The following CLDND2 variants were observed in gnomAD, a reference collection of about 807,000 sequenced individuals.
CLDND2 encodes claudin domain containing 2.
CLDND2 carries 18 observed loss-of-function variants against 17.7 expected under a neutral mutation model. That is an observed-to-expected ratio of 1.02 (90% CI 0.70 to 1.51). The LOEUF (loss-of-function observed/expected upper bound fraction) is 1.51, where lower values mean the gene tolerates loss of function less well. Ranked by LOEUF, CLDND2 falls within the 40% of genes most tolerant of loss-of-function variation. CLDND2 has a pLI of 0.00. For synonymous variants in CLDND2, 113 were observed against 93.0 expected (o/e 1.22, Z -1.24); for missense variants, 233 against 219.6 (o/e 1.06, Z -0.39).
chr19:51,367,520 T>A lies in CLDND2; in HGVS notation c.367A>T (p.Asn123Tyr), dbSNP rs1986450972. 1 of 1,611,206 alleles carries A rather than the reference T, an allele frequency of 6.2e-7. No individual in the cohort carries two copies. The highest frequency in any genetic ancestry group is 8.5e-7 in the Non-Finnish European group (1 of 1,178,666). The change falls in exon 3 of 4, where the codon AAC becomes TAC. Residue 123 changes from asparagine to tyrosine, a missense_variant. Physicochemically the swap from Asn to Tyr is moderately radical, Grantham distance 143 (BLOSUM62 -2). Transcript: ENST00000291715. This position sits in a 1 kb window ranked among gnomAD's most constrained non-coding sequence, Gnocchi z 7.4. The part of the protein sequence containing the change: ...GYTVKNAWKN[N>Y]VFFSWSYFSG... Reference sequence around the variant, plus strand: ...AAATAGGACCAAGAGAAGAAGACGTTGTTCTTCCACGCATTCTTCACGGTG... The same window carrying A: ...AAATAGGACCAAGAGAAGAAGACGTAGTTCTTCCACGCATTCTTCACGGTG...
At position 51,367,196 on chromosome 19, in the gene CLDND2, T is replaced by C; in HGVS notation, c.450A>G (p.Ala150=). ...CGTCGGTGCTCTGCATGATCATGTCTGCCAGCAGAAAGCAGAAGCCTGGGG... is the reference window on the plus strand; with the variant it reads ...CGTCGGTGCTCTGCATGATCATGTCCGCCAGCAGAAAGCAGAAGCCTGGGG... ...SILAGFCFLL[A]DMIMQSTDAI... The change falls in exon 4 of 4, where the codon GCA becomes GCG. Residue 150 remains alanine (A), a synonymous_variant. Transcript: ENST00000291715. The surrounding 1 kb of genome is among the most constrained non-coding windows in gnomAD (Gnocchi z 7.4). The C allele has an allele frequency of 6.2e-7, 1 of 1,614,212 alleles. No individual in the cohort carries two copies. The highest frequency in any genetic ancestry group is 8.5e-7 in the Non-Finnish European group (1 of 1,180,034).
chr19:51,367,251 G>T lies in CLDND2; in HGVS notation c.431-36C>A, dbSNP rs1986430020. ...GGGGGTGCGGAGCAGGGAGAGGAAG[G>T]TGGGCCCTGGGGCGGATGGCCGGGA... is the stretch of plus-strand genomic sequence containing the variant. On this transcript the variant is annotated intron_variant, in intron 3 of 3. Coordinates refer to ENST00000291715, the MANE Select transcript of CLDND2 (RefSeq NM_152353.3). This position sits in a 1 kb window ranked among gnomAD's most constrained non-coding sequence, Gnocchi z 7.4. The T allele has an allele frequency of 7.5e-6, 12 of 1,609,956 alleles. No individual in the cohort carries two copies. Among genetic ancestry groups the T allele is most frequent in the Non-Finnish European group, 1.0e-5 (12 of 1,176,608 alleles).
Position 51,367,333 on chromosome 19 carries a change from G to C in CLDND2, c.431-118C>G. 7.3e-7 allele frequency: 1 copy of C among 1,372,842 alleles called. No individual in the cohort carries two copies. Among genetic ancestry groups the C allele is most frequent in the Non-Finnish European group, 1.0e-6 (1 of 979,344 alleles). 85.0% of individuals were successfully genotyped at this position (1,372,842 alleles called of 1,614,324 possible). ...GGGGGTCTCTGCCGGGTCTGCGGGA[G>C]TCGTTAGTGTGTTGGGGAGTCCCCG... On this transcript the variant is annotated intron_variant, in intron 3 of 3. Transcript: ENST00000291715. The surrounding 1 kb of genome is among the most constrained non-coding windows in gnomAD (Gnocchi z 7.4).
At position 51,368,954 on chromosome 19, in the gene CLDND2, G is replaced by A. The variant is rs953045985; in HGVS notation, c.-377C>T. On this transcript the variant is annotated 5_prime_UTR_variant, in exon 1 of 4. Coordinates refer to ENST00000291715, the MANE Select transcript of CLDND2 (RefSeq NM_152353.3). ...CCCCTCCACACAGGCCCACCTAAGT[G>A]ACTCACACCCAGTGCCCTAGGGCTC... 29 of 178,382 alleles carry A rather than the reference G, an allele frequency of 1.6e-4. No homozygotes were observed. Among genetic ancestry groups the A allele is most frequent in the Non-Finnish European group, 3.0e-4 (25 of 84,174 alleles). The allele number at this position is 178,382 out of a possible 1,614,324, so 11.0% of individuals were successfully genotyped here. A position where few individuals can be genotyped will look rare whatever the true frequency, so the allele number is the denominator to read the frequency against.
chr19:51,368,145 T>A, intron 1 of CLDND2, 119 bp from the exon 2 acceptor site: 4 of 1,163,392 alleles, frequency 3.4e-6, no homozygotes, highest in Non-Finnish European at 4.8e-6. Flanking sequence ...GGAGCCGAGC[T>A]CCACCGACCG....
Position 51,367,448 on chromosome 19 carries a change from C to T in CLDND2, c.430+9G>A. 20 of 1,594,170 alleles carry T rather than the reference C, an allele frequency of 1.3e-5. No individual in the cohort carries two copies. The highest frequency in any genetic ancestry group is 1.8e-5 in the Admixed American group (1 of 56,762). ...GTCTCCTCCACCCTCTTCCCGCTGT[C>T]CAGTTTACCCGCGAGAATTGAGAAG... On this transcript the variant is annotated intron_variant, in intron 3 of 3. Transcript: ENST00000291715. This position sits in a 1 kb window ranked among gnomAD's most constrained non-coding sequence, Gnocchi z 7.4.
intron 1 of CLDND2, 129 bp from the exon 2 acceptor site, chr19:51,368,155 G>C (rs1259953114): frequency 1.3e-5 from 14 of 1,078,334 alleles, no homozygotes; most frequent in Non-Finnish European, 1.8e-5. Context: ...TCCACCGACC[G>C]GGAGTCAGGC....
Position 51,367,828 on chromosome 19 carries a change from C to A in CLDND2, c.310+58G>T. On this transcript the variant is annotated intron_variant, in intron 2 of 3. Coordinates refer to ENST00000291715, the MANE Select transcript of CLDND2 (RefSeq NM_152353.3). This position sits in a 1 kb window ranked among gnomAD's most constrained non-coding sequence, Gnocchi z 7.4. ...CAAGCCCCTCCCCTGGCGACCAGGC[C>A]CCTCCATCACCCAGGGCCCGCCCCT... 1 of 1,584,308 alleles carries A rather than the reference C, an allele frequency of 6.3e-7. No individual in the cohort carries two copies. Among genetic ancestry groups the A allele is most frequent in the Non-Finnish European group, 8.5e-7 (1 of 1,170,158 alleles).
rs759951271 is a variant in CLDND2 at position 51,368,042 on chromosome 19, G to A, written c.170-16C>T. The A allele has an allele frequency of 6.3e-7, 1 of 1,594,032 alleles. No homozygotes were observed. Among genetic ancestry groups the A allele is most frequent in the Non-Finnish European group, 8.5e-7 (1 of 1,171,932 alleles). On this transcript the variant is annotated splice_polypyrimidine_tract_variant and intron_variant, in intron 1 of 3. Coordinates refer to ENST00000291715, the MANE Select transcript of CLDND2 (RefSeq NM_152353.3). Reference sequence around the variant, plus strand: ...GCCAGCGTGGCTGGGGAGAGCGGGCGCATCAGCCCCCGCGGGCGCCGCCCC... The same window carrying A: ...GCCAGCGTGGCTGGGGAGAGCGGGCACATCAGCCCCCGCGGGCGCCGCCCC...
Position 51,367,669 on chromosome 19 carries a change from C to T in CLDND2, c.311-93G>A, listed in dbSNP as rs1986464161. On this transcript the variant is annotated intron_variant, in intron 2 of 3. Coordinates refer to ENST00000291715, the MANE Select transcript of CLDND2 (RefSeq NM_152353.3). The surrounding 1 kb of genome is among the most constrained non-coding windows in gnomAD (Gnocchi z 7.4). ...TTCAGACCCGCCCCCTTCTATCAGA[C>T]CACGCCTATCGCCTCTCAGCCCGCC... 8 of 1,515,494 alleles carry T rather than the reference C, an allele frequency of 5.3e-6. No individual in the cohort carries two copies. Among genetic ancestry groups the T allele is most frequent in the Non-Finnish European group, 7.1e-6 (8 of 1,131,062 alleles). 93.9% of individuals were successfully genotyped at this position (1,515,494 alleles called of 1,614,324 possible).
chr19:51,367,188 A>G lies in CLDND2; in HGVS notation c.458T>C (p.Ile153Thr). 1 of 1,614,210 alleles carries G rather than the reference A, an allele frequency of 6.2e-7. No individual in the cohort carries two copies. Among genetic ancestry groups the G allele is most frequent in the Non-Finnish European group, 8.5e-7 (1 of 1,180,030 alleles). Residue 153 changes from isoleucine (I) to threonine (T), a missense_variant, in exon 4 of 4, where the codon ATC (isoleucine) becomes ACC (threonine). By Grantham distance (89) the Ile-to-Thr change is moderately conservative. Transcript: ENST00000291715. This position sits in a 1 kb window ranked among gnomAD's most constrained non-coding sequence, Gnocchi z 7.4. ...ACTGATGGCGTCGGTGCTCTGCATGATCATGTCTGCCAGCAGAAAGCAGAA... is the reference window on the plus strand; with the variant it reads ...ACTGATGGCGTCGGTGCTCTGCATGGTCATGTCTGCCAGCAGAAAGCAGAA... ...AGFCFLLADM[I>T]MQSTDAISGF... is the part of the protein sequence containing the mutation.
chr19:51,367,234 G>T lies in CLDND2; in HGVS notation c.431-19C>A. On this transcript the variant is annotated intron_variant, in intron 3 of 3. Coordinates refer to ENST00000291715, the MANE Select transcript of CLDND2 (RefSeq NM_152353.3). This position sits in a 1 kb window ranked among gnomAD's most constrained non-coding sequence, Gnocchi z 7.4. ...CAGAAGCCTGGGGGGACGGGGGTGC[G>T]GAGCAGGGAGAGGAAGGTGGGCCCT... 6.2e-7 allele frequency: 1 copy of T among 1,613,762 alleles called. No individual in the cohort carries two copies. The highest frequency in any genetic ancestry group is 1.7e-4 in the Middle Eastern group (1 of 5,966).
chr19:51,367,142 TCA>T lies in CLDND2; in HGVS notation c.502_503del (p.Ter168ThrfsTer?). On this transcript the variant is annotated frameshift_variant and stop_lost, in exon 4 of 4. Coordinates refer to ENST00000291715, the MANE Select transcript of CLDND2 (RefSeq NM_152353.3). LOFTEE classifies it high-confidence loss of function. The surrounding 1 kb of genome is among the most constrained non-coding windows in gnomAD (Gnocchi z 7.4). Reference protein sequence around the residue: ...DAISGFPVCL* With the variant: ...DAISGFPVCLX ...TTATTCTGCCCCAGGCAGGCTGCAG[TCA>T]CAGACACACGGGGAATCCACTGATG... 2.5e-6 allele frequency: 4 copies of T among 1,614,122 alleles called. No individual in the cohort carries two copies. Among genetic ancestry groups the T allele is most frequent in the South Asian group, 1.1e-5 (1 of 91,086 alleles).
rs749496194 is a variant in CLDND2 at position 51,367,364 on chromosome 19, T to A, written c.430+93A>T. 48 of 1,384,954 alleles carry A rather than the reference T, an allele frequency of 3.5e-5. No individual in the cohort carries two copies. The highest frequency in any genetic ancestry group is 4.4e-5 in the Non-Finnish European group (44 of 995,202). The allele number at this position is 1,384,954 out of a possible 1,614,324, so 85.8% of individuals were successfully genotyped here. A position where few individuals can be genotyped will look rare whatever the true frequency, so the allele number is the denominator to read the frequency against. ...AGTGTGTTGGGGAGTCCCCGAGAGGTCCCCGGGGTTTCCTGGGAGGGCAGC... is the reference window on the plus strand; with the variant it reads ...AGTGTGTTGGGGAGTCCCCGAGAGGACCCCGGGGTTTCCTGGGAGGGCAGC... On this transcript the variant is annotated intron_variant, in intron 3 of 3. Coordinates refer to ENST00000291715, the MANE Select transcript of CLDND2 (RefSeq NM_152353.3). This position sits in a 1 kb window ranked among gnomAD's most constrained non-coding sequence, Gnocchi z 7.4.
rs1986551237 is a variant in CLDND2 at position 51,368,804 on chromosome 19, C to T, written c.-227G>A. On this transcript the variant is annotated 5_prime_UTR_variant, in exon 1 of 4. Coordinates refer to ENST00000291715, the MANE Select transcript of CLDND2 (RefSeq NM_152353.3). ...GTTCCCCTTACTGGAGACCTTGAGA[C>T]TTCCCCTGAGAGGCCTCTGAGACCT... is the stretch of plus-strand genomic sequence containing the variant. 1.9e-6 allele frequency: 1 copy of T among 513,374 alleles called. No individual in the cohort carries two copies. Among genetic ancestry groups the T allele is most frequent in the African/African-American group, 2.0e-5 (1 of 51,080 alleles). The allele number at this position is 513,374 out of a possible 1,614,324, so 31.8% of individuals were successfully genotyped here.
At position 51,367,938 on chromosome 19, in the gene CLDND2, G is replaced by T; in HGVS notation, c.258C>A (p.Asp86Glu). 2 of 1,613,028 alleles carry T rather than the reference G, an allele frequency of 1.2e-6. No homozygotes were observed. The highest frequency in any genetic ancestry group is 1.7e-5 in the Admixed American group (1 of 59,954). ...GMVMGLRIRC[D>E]EGESLRGQTT... Reference sequence around the variant, plus strand: ...TCTGGCCCCGCAGCGACTCGCCCTCGTCGCACCGAATCCGCAGTCCCATCA... The same window carrying T: ...TCTGGCCCCGCAGCGACTCGCCCTCTTCGCACCGAATCCGCAGTCCCATCA... Residue 86 changes from aspartate to glutamate, a missense_variant, in exon 2 of 4, where the codon GAC (aspartate) becomes GAA (glutamate). Asp to Glu is a conservative substitution (Grantham distance 45). Coordinates refer to ENST00000291715, the MANE Select transcript of CLDND2 (RefSeq NM_152353.3). The surrounding 1 kb of genome is among the most constrained non-coding windows in gnomAD (Gnocchi z 7.4).
chr19:51,368,707 T>G lies in CLDND2; in HGVS notation c.-130A>C. The G allele has an allele frequency of 3.8e-6, 3 of 784,662 alleles. No homozygotes were observed. The highest frequency in any genetic ancestry group is 5.9e-6 in the Non-Finnish European group (3 of 508,170). The allele number at this position is 784,662 out of a possible 1,614,324, so 48.6% of individuals were successfully genotyped here. ...GGTACTCCTGCCTGAGGTCCCTGCT[T>G]CTGGGGACCTGGAGACCCCCCTCCC... On this transcript the variant is annotated 5_prime_UTR_variant, in exon 1 of 4. Transcript: ENST00000291715.
downstream of CLDND2, chr19:51,367,036 G>T: frequency 9.9e-7 from 1 of 1,008,476 alleles, no homozygotes; most frequent in Non-Finnish European, 1.6e-6. This position sits in a 1 kb window ranked among gnomAD's most constrained non-coding sequence, Gnocchi z 7.4. Flanking sequence ...TCTTCCCTGA[G>T]CCTCTATGCA....
At position 51,368,757 on chromosome 19, in the gene CLDND2, C is replaced by G; in HGVS notation, c.-180G>C. ...CTCAACAACCCTGCCTGAGGATCCA[C>G]AACCTCCTCCCTCCAGACCTCGTTC... On this transcript the variant is annotated 5_prime_UTR_variant, in exon 1 of 4. Coordinates refer to ENST00000291715, the MANE Select transcript of CLDND2 (RefSeq NM_152353.3). The G allele has an allele frequency of 1.7e-6, 1 of 587,986 alleles. No homozygotes were observed. The highest frequency in any genetic ancestry group is 3.0e-6 in the Non-Finnish European group (1 of 333,382). The allele number at this position is 587,986 out of a possible 1,614,324, so 36.4% of individuals were successfully genotyped here. A position where few individuals can be genotyped will look rare whatever the true frequency, so the allele number is the denominator to read the frequency against.
Sources: gnomAD v4.1 joint callset for allele counts on GRCh38, gnomAD v4.1.1 for gene constraint, Gnocchi (gnomAD v3.1) non-coding constraint, MANE v1.5 for transcripts, NCBI Gene and HGNC (gene_info 2026-07-23, HGNC 2026-07-21) for gene names.